Variants in SNTB2 observed in about 807,000 individuals in gnomAD.
SNTB2 encodes the protein syntrophin beta 2.
In SNTB2, 34 loss-of-function variants were observed where a neutral mutation model predicts 46.2. That is an observed-to-expected ratio of 0.74 (90% confidence interval 0.56 to 0.98). SNTB2 has a LOEUF of 0.98. SNTB2 is among the 50% of genes least tolerant of loss of function. The pLI, the probability that SNTB2 is intolerant of heterozygous loss-of-function variation, is 0.00. For synonymous variants in SNTB2, 290 were observed against 312.6 expected (o/e 0.93, Z 0.76); for missense variants, 603 against 731.4 (o/e 0.82, Z 2.02).
intron 1 of SNTB2, among the ~76,000 whole-genome samples, chr16:69,233,430 G>A (rs1339655298): frequency 6.6e-6 from 1 of 152,100 alleles, no homozygotes; most frequent in African/African-American, 2.4e-5. Context: ...GTTGAGACAG[G>A]AGATCAAGAT....
At chr16:69,297,103 A>G (rs4068549) in intron 5 of SNTB2, among the ~76,000 whole-genome samples, 41,098 of 151,154 alleles carry the variant, frequency 0.27, 6,148 homozygotes, top group African/African-American at 0.38. Flanking sequence ...TCAGGAGTTC[A>G]AGACCAGCCT....
chr16:69,211,420 A>G (rs1022815756), intron 1 of SNTB2, among the ~76,000 whole-genome samples: 1 of 151,840 alleles, frequency 6.6e-6, no homozygotes, highest in African/African-American at 2.4e-5. Context: ...GCATGGTGGC[A>G]TATACCTGTA....
intron 5 of SNTB2, among the ~76,000 whole-genome samples, chr16:69,297,754 A>T (rs1272093522): frequency 2.0e-5 from 3 of 152,074 alleles, no homozygotes; most frequent in Admixed American, 2.0e-4. Context: ...TCTACTAAAA[A>T]TGCAAAAAAA....
chr16:69,261,084 A>T (rs746469004), intron 3 of SNTB2, among the ~76,000 whole-genome samples: 3 of 151,778 alleles, frequency 2.0e-5, no homozygotes, highest in Admixed American at 6.6e-5. Context: ...GGGTTCAGAG[A>T]TGAGTGTTTA....
At chr16:69,285,874 C>T (rs957890794) in intron 5 of SNTB2, among the ~76,000 whole-genome samples, 2 of 152,052 alleles carry the variant, frequency 1.3e-5, no homozygotes, top group East Asian at 1.9e-4. Context: ...CTCACTGCAA[C>T]CTCCGCCTCC....
intron 4 of SNTB2, among the ~76,000 whole-genome samples, chr16:69,281,030 C>G (rs1418323553): frequency 6.6e-6 from 1 of 151,984 alleles, no homozygotes; most frequent in Non-Finnish European, 1.5e-5. Flanking sequence ...ATCTCCTGAC[C>G]GTGATCCGCC....
At chr16:69,226,743 C>G (rs1448270002) in intron 1 of SNTB2, among the ~76,000 whole-genome samples, 1 of 152,188 alleles carries the variant, frequency 6.6e-6, no homozygotes, top group Admixed American at 6.5e-5. Flanking sequence ...GTTGCCCAAG[C>G]TGGTCTTGAA....
At chr16:69,199,094 C>T (rs1225814985) in intron 1 of SNTB2, among the ~76,000 whole-genome samples, 1 of 151,954 alleles carries the variant, frequency 6.6e-6, no homozygotes, top group Non-Finnish European at 1.5e-5. Flanking sequence ...TGGGTTTCTC[C>T]GTGTTGGTTA....
chr16:69,285,190 G>A (rs984832484), intron 5 of SNTB2, among the ~76,000 whole-genome samples: 3 of 152,140 alleles, frequency 2.0e-5, no homozygotes, highest in African/African-American at 7.2e-5. Flanking sequence ...ACTATTATTT[G>A]TGCCAGACTT....
intron 5 of SNTB2, among the ~76,000 whole-genome samples, chr16:69,290,387 A>G (rs1290046600): frequency 6.6e-6 from 1 of 152,192 alleles, no homozygotes; most frequent in Non-Finnish European, 1.5e-5. Context: ...AAGGCACTTT[A>G]TATGTCTGTA....
chr16:69,200,174 A>G (rs1196839341), intron 1 of SNTB2, among the ~76,000 whole-genome samples: 1 of 152,164 alleles, frequency 6.6e-6, no homozygotes, highest in African/African-American at 2.4e-5. Flanking sequence ...TCGGCCTCCC[A>G]AAGGAGGGGG....
intron 1 of SNTB2, among the ~76,000 whole-genome samples, chr16:69,243,791 G>A (rs1964641884): frequency 6.6e-6 from 1 of 152,068 alleles, no homozygotes; most frequent in African/African-American, 2.4e-5. Context: ...AATCTCCTTG[G>A]TGACCTGAGG....
chr16:69,202,310 GAACA>G (rs1964170501), intron 1 of SNTB2, among the ~76,000 whole-genome samples: 1 of 150,742 alleles, frequency 6.6e-6, no homozygotes. Context: ...GCATTACTTT[GAACA>G]AACATACATT....
intron 1 of SNTB2, among the ~76,000 whole-genome samples, chr16:69,200,877 C>G (rs934294020): frequency 6.6e-6 from 1 of 151,950 alleles, no homozygotes. Context: ...TTTACTTTAC[C>G]CTCACCTGAC....
intron 4 of SNTB2, among the ~76,000 whole-genome samples, chr16:69,280,015 G>C (rs925988550): frequency 1.3e-5 from 2 of 152,132 alleles, no homozygotes; most frequent in South Asian, 2.1e-4. Flanking sequence ...GCGGCCTTCC[G>C]CAGTGTTTGT....
chr16:69,203,383 G>A (rs963423688), intron 1 of SNTB2, among the ~76,000 whole-genome samples: 4 of 152,070 alleles, frequency 2.6e-5, no homozygotes, highest in African/African-American at 9.7e-5. Flanking sequence ...CTCCTGGGCT[G>A]GAGTGCACTG....
At chr16:69,201,861 T>A (rs1964164924) in intron 1 of SNTB2, among the ~76,000 whole-genome samples, 2 of 152,192 alleles carry the variant, frequency 1.3e-5, no homozygotes, top group Non-Finnish European at 2.9e-5. Flanking sequence ...TTGTTAATTG[T>A]CCTCTTCTTC....
chr16:69,223,728 A>T (rs1190890689), intron 1 of SNTB2, among the ~76,000 whole-genome samples: 3 of 151,840 alleles, frequency 2.0e-5, no homozygotes, highest in Non-Finnish European at 2.9e-5. Flanking sequence ...TTCTGGATTC[A>T]TGCCATTCTC....
At chr16:69,260,683 T>C (rs1371633510) in intron 3 of SNTB2, among the ~76,000 whole-genome samples, 1 of 152,206 alleles carries the variant, frequency 6.6e-6, no homozygotes, top group Non-Finnish European at 1.5e-5. Context: ...TGCGTTTCAG[T>C]AAAACTTTAT....
Sources: gnomAD v4.1 joint callset for allele counts (sites outside exome capture counted in the v4.1 genomes callset) on GRCh38, gnomAD v4.1.1 for gene constraint, MANE v1.5 for transcripts, NCBI Gene and HGNC (gene_info 2026-07-23, HGNC 2026-07-21) for gene names.